BRSK1: variants seen among roughly 807,000 people sequenced by gnomAD.
The protein encoded by BRSK1 is serine/threonine-protein kinase BRSK1.
A neutral mutation model predicts 86.2 loss-of-function variants in BRSK1; 17 were observed. That is an observed-to-expected ratio of 0.20 (90% CI 0.14 to 0.30). The LOEUF is 0.30. Among genes scored for constraint, BRSK1 ranks in the 10% least tolerant of loss-of-function variants. The pLI is 1.00. For missense variants in BRSK1, 719 were observed against 1,071.9 expected (o/e 0.67, Z 4.60); for synonymous variants, 464 against 440.1 (o/e 1.05, Z -0.68).
In BRSK1 at chr19:55,284,492, T is replaced by TCCCCCCC; in HGVS notation, c.55_56insCCCCCCC (p.His19ProfsTer33). The stretch of plus-strand genomic sequence containing the variant: ...GGTGGGGGCTCTCCCGCCTACCACC[T>TCCCCCCC]CCCCCACCCCCACCCCCACCCACCC... On this transcript the variant is annotated frameshift_variant, in exon 1 of 19. Coordinates refer to ENST00000309383, the MANE Select transcript of BRSK1 (RefSeq NM_032430.2). LOFTEE classifies it high-confidence loss of function. 2 of 776,246 alleles carry TCCCCCCC rather than the reference T, an allele frequency of 2.6e-6. No homozygotes were observed. The highest frequency in any genetic ancestry group is 3.7e-6 in the Non-Finnish European group (2 of 546,156). 48.1% of individuals were successfully genotyped at this position (776,246 alleles called of 1,614,324 possible).
intron 7 of BRSK1, among the ~76,000 whole-genome samples, chr19:55,299,846 C>G (rs2088545107): frequency 6.6e-6 from 1 of 152,120 alleles, no homozygotes; most frequent in Non-Finnish European, 1.5e-5. Context: ...GGTGCCTTCT[C>G]TGTATCTCCC....
rs1401086669 is a variant in BRSK1 at position 55,294,373 on chromosome 19, A to G, written c.654A>G (p.Gly218=). The G allele has an allele frequency of 6.2e-7, 1 of 1,614,072 alleles. No homozygotes were observed. The highest frequency in any genetic ancestry group is 8.5e-7 in the Non-Finnish European group (1 of 1,180,026). Residue 218 remains glycine (G), a synonymous_variant, in exon 7 of 19, where the codon GGA becomes GGG. Transcript: ENST00000309383. This position sits in a 1 kb window ranked among gnomAD's most constrained non-coding sequence, Gnocchi z 4.9. ...GCCGGGCAGACATGTGGAGCTGTGG[A>G]GTCATCCTCTTCGCCCTGCTCGTGG... ...DGRRADMWSC[G]VILFALLVGA... is the part of the protein sequence containing the mutation.
chr19:55,284,498 A>ACCCCCCCCCCCCCCCCCCCCC lies in BRSK1; in HGVS notation c.61_62insCCCCCCCCCCCCCCCCCCCCC (p.Pro20_His21insProProProProProProPro). On this transcript the variant is annotated inframe_insertion, in exon 1 of 19. Coordinates refer to ENST00000309383, the MANE Select transcript of BRSK1 (RefSeq NM_032430.2). ...GGCTCTCCCGCCTACCACCTCCCCC[A>ACCCCCCCCCCCCCCCCCCCCC]CCCCCACCCCCACCCACCCCAGCAC... is the stretch of plus-strand genomic sequence containing the variant. The ACCCCCCCCCCCCCCCCCCCCC allele has an allele frequency of 2.5e-6, 1 of 403,748 alleles. No homozygotes were observed. Among genetic ancestry groups the ACCCCCCCCCCCCCCCCCCCCC allele is most frequent in the Non-Finnish European group, 4.0e-6 (1 of 251,864 alleles). 25.0% of individuals were successfully genotyped at this position (403,748 alleles called of 1,614,324 possible). A position where few individuals can be genotyped will look rare whatever the true frequency, so the allele number is the denominator to read the frequency against.
In BRSK1 at chr19:55,306,029, A is replaced by T. The variant is rs2088645318; in HGVS notation, c.1891-223A>T. Among the ~76,000 whole-genome samples the T allele has an allele frequency of 6.6e-6, 1 of 152,176 alleles. No individual in the cohort carries two copies. Among genetic ancestry groups the T allele is most frequent in the African/African-American group, 2.4e-5 (1 of 41,430 alleles). On this transcript the variant is annotated intron_variant, in intron 16 of 18. Transcript: ENST00000309383. The surrounding 1 kb of genome is among the most constrained non-coding windows in gnomAD (Gnocchi z 4.7). Reference sequence around the variant, plus strand: ...TCTGAGGCTGTCACCTAGCTATCAGAGTCCTCATGATGTTAGGGGGATGTC... The same window carrying T: ...TCTGAGGCTGTCACCTAGCTATCAGTGTCCTCATGATGTTAGGGGGATGTC...
At chr19:55,288,483 A>T (rs1214611371) in intron 3 of BRSK1, among the ~76,000 whole-genome samples, 1 of 151,504 alleles carries the variant, frequency 6.6e-6, no homozygotes, top group Non-Finnish European at 1.5e-5. Flanking sequence ...CAAAAAAAAA[A>T]AAAAAAAAAC....
In BRSK1 at chr19:55,306,522, C is replaced by A. The variant is rs2088653371; in HGVS notation, c.2089+72C>A. 7.8e-6 allele frequency: 12 copies of A among 1,538,682 alleles called. No individual in the cohort carries two copies. Among genetic ancestry groups the A allele is most frequent in the Non-Finnish European group, 2.7e-6 (3 of 1,126,280 alleles). On this transcript the variant is annotated intron_variant, in intron 17 of 18. Transcript: ENST00000309383. The surrounding 1 kb of genome is among the most constrained non-coding windows in gnomAD (Gnocchi z 4.7). ...CACGACAGCTGAGACAGTGTAGGGG[C>A]CCAGGAGTGCAGCAGCAGGAGGAGG... is the stretch of plus-strand genomic sequence containing the variant.
At chr19:55,307,953 C>CAAAAGAAAAAAGA (rs2088686181) in intron 17 of BRSK1, among the ~76,000 whole-genome samples, 1 of 150,182 alleles carries the variant, frequency 6.7e-6, no homozygotes, top group Non-Finnish European at 1.5e-5. Flanking sequence ...GACCTTGTCT[C>CAAAAGAAAAAAGA]AAAAGAAAAA....
At chr19:55,312,562 A>AAG (rs2088832939), downstream of BRSK1, 1 of 245,192 alleles carries the variant, frequency 4.1e-6, no homozygotes, top group Non-Finnish European at 7.6e-6. Context: ...AAAAAAAAAA[A>AAG]GATAATAATA....
intron 7 of BRSK1, among the ~76,000 whole-genome samples, chr19:55,300,039 C>T (rs73053177): frequency 0.08 from 12,182 of 152,126 alleles, 821 homozygotes; most frequent in African/African-American, 0.18. Flanking sequence ...ATGATACGTT[C>T]GCTTGTTTGT....
chr19:55,304,191 A>C lies in BRSK1; in HGVS notation c.1347+81A>C. On this transcript the variant is annotated intron_variant, in intron 13 of 18. Coordinates refer to ENST00000309383, the MANE Select transcript of BRSK1 (RefSeq NM_032430.2). This position sits in a 1 kb window ranked among gnomAD's most constrained non-coding sequence, Gnocchi z 5.2. ...CAAAGATTGAGTAGCAGAAACTACA[A>C]TTCCTGTGCAGTCTTGAGACTTGCT... 1 of 1,375,172 alleles carries C rather than the reference A, an allele frequency of 7.3e-7. No individual in the cohort carries two copies. Among genetic ancestry groups the C allele is most frequent in the Non-Finnish European group, 1.0e-6 (1 of 996,518 alleles). 85.2% of individuals were successfully genotyped at this position (1,375,172 alleles called of 1,614,324 possible).
Position 55,284,171 on chromosome 19 carries a change from C to G in BRSK1, c.-272C>G, listed in dbSNP as rs868498580. On this transcript the variant is annotated 5_prime_UTR_variant, in exon 1 of 19. Transcript: ENST00000309383. ...GGGGGGAGGCGCAGGAAGCGGGGGG[C>G]CGGCCAGAAACGGGCTGGGGAGGGG... is the stretch of plus-strand genomic sequence containing the variant. 179 of 1,033,940 alleles carry G rather than the reference C, an allele frequency of 1.7e-4. No homozygotes were observed. The African/African-American group carries it at 2.5e-3, about 14-fold the overall frequency. The allele number at this position is 1,033,940 out of a possible 1,614,324, so 64.0% of individuals were successfully genotyped here.
intron 7 of BRSK1, among the ~76,000 whole-genome samples, chr19:55,300,991 C>G (rs565907408): frequency 2.6e-5 from 4 of 151,826 alleles, no homozygotes; most frequent in Non-Finnish European, 4.4e-5. Flanking sequence ...TCTCTGCCTC[C>G]GTCATCACAT....
Position 55,303,289 on chromosome 19 carries a change from C to A in BRSK1, c.1029-22C>A, listed in dbSNP as rs771211612. 10 of 1,596,452 alleles carry A rather than the reference C, an allele frequency of 6.3e-6. No homozygotes were observed. The Admixed American group carries it at 1.7e-4, about 27-fold the overall frequency. ...CTCAGCCCTCTGCTACCTCTTTCCACCTTTCCCACCCCCTGCCTTAGGGAG... is the reference window on the plus strand; with the variant it reads ...CTCAGCCCTCTGCTACCTCTTTCCAACTTTCCCACCCCCTGCCTTAGGGAG... On this transcript the variant is annotated intron_variant, in intron 10 of 18. Transcript: ENST00000309383. This position sits in a 1 kb window ranked among gnomAD's most constrained non-coding sequence, Gnocchi z 5.1.
chr19:55,284,538 C>T lies in BRSK1; in HGVS notation c.96C>T (p.Gly32=). The change falls in exon 1 of 19, where the codon GGC becomes GGT. Residue 32 remains glycine (G), a synonymous_variant. Transcript: ENST00000309383. ...CACCCCAGCACGCCCAATATGTGGGCCCCTATCGGCTGGAGAAGACGCTGG... is the reference window on the plus strand; with the variant it reads ...CACCCCAGCACGCCCAATATGTGGGTCCCTATCGGCTGGAGAAGACGCTGG... ...PHPPQHAQYV[G]PYRLEKTLGK... is the part of the protein sequence containing the mutation. 1 of 804,404 alleles carries T rather than the reference C, an allele frequency of 1.2e-6. No homozygotes were observed. The highest frequency in any genetic ancestry group is 1.9e-5 in the African/African-American group (1 of 52,028). The allele number at this position is 804,404 out of a possible 1,614,324, so 49.8% of individuals were successfully genotyped here. A position where few individuals can be genotyped will look rare whatever the true frequency, so the allele number is the denominator to read the frequency against.
Position 55,302,054 on chromosome 19 carries a change from C to T in BRSK1, c.826-83C>T, listed in dbSNP as rs887170410. ...TGGGCGGGGAGATGATCAGGGACCC[C>T]AAAACCACCCCAGTCTTTCATTGCG... is the stretch of plus-strand genomic sequence containing the variant. On this transcript the variant is annotated intron_variant, in intron 8 of 18. Transcript: ENST00000309383. This position sits in a 1 kb window ranked among gnomAD's most constrained non-coding sequence, Gnocchi z 6.3. 1 of 1,541,916 alleles carries T rather than the reference C, an allele frequency of 6.5e-7. No individual in the cohort carries two copies. The highest frequency in any genetic ancestry group is 1.1e-5 in the South Asian group (1 of 89,602).
rs370363848 is a variant in BRSK1, at chr19:55,289,638, G to C, written c.458+18G>C. The C allele has an allele frequency of 4.2e-5, 67 of 1,612,076 alleles. No homozygotes were observed. Among genetic ancestry groups the C allele is most frequent in the Non-Finnish European group, 5.2e-5 (61 of 1,178,860 alleles). On this transcript the variant is annotated intron_variant, in intron 4 of 18. Transcript: ENST00000309383. The stretch of plus-strand genomic sequence containing the variant: ...TCCATCTGGTGAGTGGGCAGCTTGA[G>C]GGGGAGGAGGGGCTGAGGGCTGCCC...
chr19:55,284,019 G>A lies in BRSK1; in HGVS notation c.-424G>A. The A allele has an allele frequency of 1.6e-6, 2 of 1,239,240 alleles. No homozygotes were observed. The highest frequency in any genetic ancestry group is 2.0e-6 in the Non-Finnish European group (2 of 992,786). 76.8% of individuals were successfully genotyped at this position (1,239,240 alleles called of 1,614,324 possible). On this transcript the variant is annotated 5_prime_UTR_variant, in exon 1 of 19. Transcript: ENST00000309383. ...CCCGGATGGTGATGTCAGCGTGCCGGAGAGAAAGGACGAGGTGGCGGGGGG... is the reference window on the plus strand; with the variant it reads ...CCCGGATGGTGATGTCAGCGTGCCGAAGAGAAAGGACGAGGTGGCGGGGGG...
rs1269039089 is a variant in BRSK1 at position 55,303,637 on chromosome 19, C to T, written c.1127-30C>T. On this transcript the variant is annotated intron_variant, in intron 11 of 18. Transcript: ENST00000309383. This position sits in a 1 kb window ranked among gnomAD's most constrained non-coding sequence, Gnocchi z 5.1. ...TGTACACAGCTGGGTGAAACCATCT[C>T]TTGATTGGGTTGAAACTGTTGTCCC... 4 of 1,573,452 alleles carry T rather than the reference C, an allele frequency of 2.5e-6. No individual in the cohort carries two copies. The South Asian group carries it at 4.7e-5, about 18-fold the overall frequency.
At chr19:55,286,687 G>T (rs1313672587) in intron 1 of BRSK1, among the ~76,000 whole-genome samples, 1 of 150,322 alleles carries the variant, frequency 6.7e-6, no homozygotes, top group Non-Finnish European at 1.5e-5. Context: ...ACAGACTCGG[G>T]GAGACACGGT....
Sources: allele counts gnomAD v4.1 joint callset (sites outside exome capture counted in the v4.1 genomes callset), GRCh38; gene constraint gnomAD v4.1.1; non-coding constraint Gnocchi (gnomAD v3.1); transcripts MANE v1.5; gene names NCBI Gene and HGNC (gene_info 2026-07-23, HGNC 2026-07-21).